Variants in RAI1 observed in about 807,000 individuals in gnomAD.
RAI1 encodes the protein retinoic acid induced 1, also known as retinoic acid-induced protein 1.
RAI1 carries 9 observed loss-of-function variants against 123.8 expected under a neutral mutation model. That is an observed-to-expected ratio of 0.07 (90% CI 0.04 to 0.13). RAI1 has a LOEUF of 0.13. RAI1 is among the 10% of genes least tolerant of loss of function. RAI1 has a pLI of 1.00. For missense variants in RAI1, 2,256 were observed against 2,545.8 expected, an observed-to-expected ratio of 0.89 and a Z score of 2.45; for synonymous variants, 1,231 against 1,127.3, an observed-to-expected ratio of 1.09 and a Z score of -1.84.
chr17:17,789,210 T>G (rs910546664), intron 2 of RAI1, among the ~76,000 whole-genome samples: 2 of 152,244 alleles, frequency 1.3e-5, no homozygotes, highest in Non-Finnish European at 2.9e-5. Context: ...CCGCTGCTGC[T>G]GAGGGCGTCC....
chr17:17,706,974 G>A (rs900893133), intron 1 of RAI1, among the ~76,000 whole-genome samples: 1 of 152,232 alleles, frequency 6.6e-6, no homozygotes, highest in Non-Finnish European at 1.5e-5. Flanking sequence ...GACAGACAGC[G>A]ATCTCTGCCC....
At chr17:17,789,144 TG>T (rs1003201298) in intron 2 of RAI1, among the ~76,000 whole-genome samples, 3 of 152,234 alleles carry the variant, frequency 2.0e-5, no homozygotes, top group African/African-American at 7.2e-5. Context: ...TCCTCCAAAG[TG>T]GGAGCCCCTC....
In RAI1 at chr17:17,799,416, G is replaced by A. The variant is rs2032381704; in HGVS notation, c.5565+903G>A. ...CCCCAGTACCATAGAGTACCTCTGT[G>A]CCCTTCTGAGGGAGGGGTCAGTGGG... On this transcript the variant is annotated intron_variant, in intron 3 of 5. Coordinates refer to ENST00000353383, the MANE Select transcript of RAI1 (RefSeq NM_030665.4). This position sits in a 1 kb window ranked among gnomAD's most constrained non-coding sequence, Gnocchi z 4.5. Among the ~76,000 whole-genome samples, 4 of 152,152 alleles carry A rather than the reference G, an allele frequency of 2.6e-5. No homozygotes were observed.
Position 17,803,384 on chromosome 17 carries a change from T to G in RAI1, c.5566-372T>G, listed in dbSNP as rs1240788843. On this transcript the variant is annotated intron_variant, in intron 3 of 5. Coordinates refer to ENST00000353383, the MANE Select transcript of RAI1 (RefSeq NM_030665.4). ...CCAGCCTGTACAGGTTTTTTGTGTT[T>G]TTTTTGTTTGTTTGTTTGTTTGTTT... Among the ~76,000 whole-genome samples the G allele has an allele frequency of 2.6e-5, 4 of 151,060 alleles. No individual in the cohort carries two copies. The East Asian group carries it at 5.8e-4, about 22-fold the overall frequency.
At position 17,798,385 on chromosome 17, in the gene RAI1, G is replaced by A; in HGVS notation, c.5437G>A (p.Ala1813Thr). The A allele has an allele frequency of 6.2e-7, 1 of 1,609,762 alleles. No homozygotes were observed. Among genetic ancestry groups the A allele is most frequent in the Non-Finnish European group, 8.5e-7 (1 of 1,178,524 alleles). ...RKHECSKEAP[A>T]EPGGEAQEHW... is the part of the protein sequence containing the mutation. ...ACATGAGTGCAGCAAGGAGGCTCCG[G>A]CAGAGCCCGGCGGGGAGGCCCAGGA... The change falls in exon 3 of 6, where the codon GCA becomes ACA. Residue 1813 changes from alanine to threonine, a missense_variant. By Grantham distance (58) the Ala-to-Thr change is moderately conservative. Around this residue, in one of 7 missense-constraint regions of RAI1, gnomAD observed 243 missense variants for 316.6 expected, o/e 0.77. Coordinates refer to ENST00000353383, the MANE Select transcript of RAI1 (RefSeq NM_030665.4).
At chr17:17,750,689 C>CAAAAAAAAAAAAAAAAAAA (rs57637022) in intron 2 of RAI1, among the ~76,000 whole-genome samples, 2 of 79,776 alleles carry the variant, frequency 2.5e-5, no homozygotes, top group African/African-American at 5.3e-5. Context: ...TACTCCGTCT[C>CAAAAAAAAAAAAAAAAAAA]AAAAAAAAAA....
chr17:17,797,248 GC>G lies in RAI1; in HGVS notation c.4303del (p.Leu1435CysfsTer41). On this transcript the variant is annotated frameshift_variant, in exon 3 of 6. Transcript: ENST00000353383. Reference protein sequence around the residue: ...FKTEAFTSPEALQPGGTALAP... With the variant: ...FKTEAFTSPEXLQPGGTALAP... ...AACCGAGGCCTTCACATCCCCGGAGGCCCTGCAGCCTGGGGGGACTGCCCTG... is the reference window on the plus strand; with the variant it reads ...AACCGAGGCCTTCACATCCCCGGAGGCCTGCAGCCTGGGGGGACTGCCCTG... The G allele has an allele frequency of 6.2e-7, 1 of 1,613,400 alleles. No homozygotes were observed.
chr17:17,768,997 G>A (rs775015809), intron 2 of RAI1, among the ~76,000 whole-genome samples: 8 of 152,228 alleles, frequency 5.3e-5, no homozygotes, highest in East Asian at 1.9e-4. Context: ...GGCAAAGGGT[G>A]GCCAGGAGGC....
At chr17:17,778,846 C>T (rs1382356717) in intron 2 of RAI1, 1 of 456,650 alleles carries the variant, frequency 2.2e-6, no homozygotes, top group African/African-American at 2.0e-5. Flanking sequence ...CCCCCAGATG[C>T]TGAGTGACTA....
intron 2 of RAI1, among the ~76,000 whole-genome samples, chr17:17,746,236 T>C (rs977694655): frequency 6.6e-6 from 1 of 152,216 alleles, no homozygotes; most frequent in African/African-American, 2.4e-5. Context: ...CCATCTCCGA[T>C]GCTCAGCTGC....
At chr17:17,768,153 T>TCAGCTGCATGGTCC (rs1446676792) in intron 2 of RAI1, among the ~76,000 whole-genome samples, 1 of 152,176 alleles carries the variant, frequency 6.6e-6, no homozygotes, top group African/African-American at 2.4e-5. Context: ...CTTGCAGCAT[T>TCAGCTGCATGGTCC]CAGCAGAATG....
intron 2 of RAI1, among the ~76,000 whole-genome samples, chr17:17,784,016 C>T (rs569231080): frequency 1.3e-5 from 2 of 152,306 alleles, no homozygotes; most frequent in East Asian, 1.9e-4. Context: ...TTCCAATCCC[C>T]CTCCCTCTTT....
rs1914422170 is a variant in RAI1, at chr17:17,681,767, G to C, written c.-175G>C. ...CGCGAAGTCGCAGCGCCAGACCCAA[G>C]GCCCCCGAGTGAGCGCGGGCGCCGA... On this transcript the variant is annotated 5_prime_UTR_variant, in exon 1 of 6. Transcript: ENST00000353383. 3.1e-6 allele frequency: 1 copy of C among 327,546 alleles called. No homozygotes were observed. Among genetic ancestry groups the C allele is most frequent in the African/African-American group, 2.2e-5 (1 of 45,650 alleles). 20.3% of individuals were successfully genotyped at this position (327,546 alleles called of 1,614,324 possible). A position where few individuals can be genotyped will look rare whatever the true frequency, so the allele number is the denominator to read the frequency against.
intron 3 of RAI1, among the ~76,000 whole-genome samples, chr17:17,798,929 C>G (rs1445401400): frequency 6.6e-6 from 1 of 152,238 alleles, no homozygotes; most frequent in African/African-American, 2.4e-5. Context: ...GTTGCCCACC[C>G]TCTGTTCCTG....
intron 1 of RAI1, among the ~76,000 whole-genome samples, chr17:17,706,022 CA>C (rs1197967787): frequency 0.016 from 609 of 37,378 alleles, no homozygotes; most frequent in Middle Eastern, 0.031. Flanking sequence ...GACTCTGTCT[CA>C]AAAAAAAAAA....
At chr17:17,770,960 G>A (rs2031135500) in intron 2 of RAI1, 1 of 152,214 alleles carries the variant, frequency 6.6e-6, no homozygotes, top group African/African-American at 2.4e-5. Flanking sequence ...CCAGGGCCTG[G>A]GATACTCACA....
intron 2 of RAI1, among the ~76,000 whole-genome samples, chr17:17,726,518 C>G (rs1005328041): frequency 6.6e-6 from 1 of 152,170 alleles, no homozygotes; most frequent in Admixed American, 6.5e-5. Flanking sequence ...TTTTCAAGAA[C>G]CTTTTTCTTC....
intron 2 of RAI1, among the ~76,000 whole-genome samples, chr17:17,791,982 C>T (rs1171199674): frequency 2.0e-5 from 3 of 152,182 alleles, no homozygotes; most frequent in Non-Finnish European, 4.4e-5. Flanking sequence ...CCCCAGCCCT[C>T]ACCTGCTGAG....
chr17:17,738,510 G>GGGCCT (rs1300086035), intron 2 of RAI1, among the ~76,000 whole-genome samples: 1 of 152,194 alleles, frequency 6.6e-6, no homozygotes, highest in African/African-American at 2.4e-5. Flanking sequence ...ACACGGCCTT[G>GGGCCT]GGCCTGGCCT....
Sources: gnomAD v4.1 joint callset for allele counts (sites outside exome capture counted in the v4.1 genomes callset) on GRCh38, gnomAD v4.1.1 for gene constraint, gnomAD v4.1.1 regional missense constraint, Gnocchi (gnomAD v3.1) non-coding constraint, MANE v1.5 for transcripts, NCBI Gene and HGNC (gene_info 2026-07-23, HGNC 2026-07-21) for gene names.